The following DLG2 variants were observed in gnomAD, a reference collection of about 807,000 sequenced individuals.
DLG2 encodes the protein disks large homolog 2.
Under a neutral mutation model 132.5 loss-of-function variants are expected in DLG2, and 45 were observed. The observed-to-expected ratio is 0.34, with a 90% CI of 0.27 to 0.44. The LOEUF (loss-of-function observed/expected upper bound fraction) is 0.44, where lower values mean the gene tolerates loss of function less well. Among genes scored for constraint, DLG2 ranks in the 20% least tolerant of loss-of-function variants. DLG2 has a pLI of 1.00. For missense variants in DLG2, 1,045 were observed against 1,196.9 expected, an observed-to-expected ratio of 0.87 and a Z score of 1.87; for synonymous variants, 424 against 419.6, an observed-to-expected ratio of 1.01 and a Z score of -0.13.
At chr11:85,528,738 C>G (rs1264171022) in intron 3 of DLG2, among the ~76,000 whole-genome samples, 1 of 152,166 alleles carries the variant, frequency 6.6e-6, no homozygotes, top group Non-Finnish European at 1.5e-5. Flanking sequence ...TAGAAGGACC[C>G]TGTGCTTAGT....
chr11:84,423,249 C>G (rs547232845), intron 7 of DLG2, among the ~76,000 whole-genome samples: 65 of 152,024 alleles, frequency 4.3e-4, no homozygotes, highest in Admixed American at 1.0e-3. Context: ...ATTAAAATGG[C>G]AAATTTTATA....
intron 6 of DLG2, among the ~76,000 whole-genome samples, chr11:85,028,690 G>A (rs1566684503): frequency 6.6e-6 from 1 of 152,210 alleles, no homozygotes; most frequent in Non-Finnish European, 1.5e-5. Context: ...CCGGGAACAG[G>A]GAGAGGCCAG....
In DLG2 at chr11:84,870,620, CAGAT is replaced by C. The variant is rs752214644; in HGVS notation, c.357+241037_357+241040del. On this transcript the variant is annotated intron_variant, in intron 6 of 27. Coordinates refer to ENST00000376104, the MANE Select transcript of DLG2 (RefSeq NM_001142699.3). ...GACAATGAAGAAGTGAAATGCCATA[CAGAT>C]AGATGGGCATATGTGTGTCTTCCTG... Among the ~76,000 whole-genome samples the C allele has an allele frequency of 3.9e-5, 6 of 152,302 alleles. No homozygotes were observed. The South Asian group carries it at 8.3e-4, about 21-fold the overall frequency.
chr11:84,454,141 T>C (rs1461957196), intron 7 of DLG2, among the ~76,000 whole-genome samples: 2 of 151,454 alleles, frequency 1.3e-5, no homozygotes, highest in South Asian at 2.1e-4. Context: ...ATCTGCACAG[T>C]CTCATAAAAA....
At chr11:84,457,901 T>C (rs1028775793) in intron 7 of DLG2, among the ~76,000 whole-genome samples, 24 of 150,960 alleles carry the variant, frequency 1.6e-4, no homozygotes, top group African/African-American at 5.6e-4. Context: ...ATCTATATTT[T>C]AATATTTGTC....
At chr11:83,890,158 A>G (rs1281697167) in intron 15 of DLG2, among the ~76,000 whole-genome samples, 1 of 152,116 alleles carries the variant, frequency 6.6e-6, no homozygotes, top group Non-Finnish European at 1.5e-5. Context: ...GAGGTACTAC[A>G]AAAAGCACCA....
chr11:85,099,828 G>A (rs1420238060), intron 6 of DLG2, among the ~76,000 whole-genome samples: 2 of 152,138 alleles, frequency 1.3e-5, no homozygotes, highest in Admixed American at 6.5e-5. Context: ...AGATGCCCAG[G>A]AGAGTTCACA....
intron 6 of DLG2, chr11:84,923,270 C>T (rs576549954): frequency 9.4e-6 from 14 of 1,491,232 alleles, no homozygotes; most frequent in East Asian, 2.5e-5. Flanking sequence ...GACTACAAAA[C>T]GACATGTCTT....
intron 8 of DLG2, among the ~76,000 whole-genome samples, chr11:84,191,569 C>A (rs1315295727): frequency 6.6e-6 from 1 of 152,160 alleles, no homozygotes; most frequent in Admixed American, 6.5e-5. Context: ...ACTAGAAAAG[C>A]CTGGTTTGCA....
intron 9 of DLG2, among the ~76,000 whole-genome samples, chr11:84,125,988 A>G (rs1485336511): frequency 2.0e-5 from 3 of 152,134 alleles, no homozygotes; most frequent in Non-Finnish European, 2.9e-5. Flanking sequence ...TCTTTTTTTA[A>G]TAAAGAGGAT....
chr11:84,966,777 A>G (rs2053412203), intron 6 of DLG2, among the ~76,000 whole-genome samples: 1 of 152,140 alleles, frequency 6.6e-6, no homozygotes, highest in African/African-American at 2.4e-5. Flanking sequence ...AGAACATCAC[A>G]TTTCTGGCAT....
At chr11:84,397,313 G>A (rs2098814093) in intron 7 of DLG2, among the ~76,000 whole-genome samples, 1 of 152,160 alleles carries the variant, frequency 6.6e-6, no homozygotes, top group Non-Finnish European at 1.5e-5. Context: ...GAATTATACT[G>A]ACTAATACAA....
chr11:84,937,876 G>C (rs1427682185), intron 6 of DLG2, among the ~76,000 whole-genome samples: 1 of 152,146 alleles, frequency 6.6e-6, no homozygotes, highest in African/African-American at 2.4e-5. Context: ...ATGGCACATT[G>C]CACTGTCTGT....
intron 6 of DLG2, among the ~76,000 whole-genome samples, chr11:84,552,082 C>T (rs2099402864): frequency 6.6e-6 from 1 of 152,148 alleles, no homozygotes; most frequent in African/African-American, 2.4e-5. Context: ...CTGTAGCTAT[C>T]TCAGTAACCC....
intron 8 of DLG2, among the ~76,000 whole-genome samples, chr11:84,245,020 G>C (rs1463927476): frequency 1.3e-5 from 2 of 152,142 alleles, no homozygotes; most frequent in Non-Finnish European, 2.9e-5. Context: ...CTGTAATATG[G>C]CAACTTCCTT....
intron 6 of DLG2, among the ~76,000 whole-genome samples, chr11:84,582,343 T>C (rs1365981890): frequency 6.7e-6 from 1 of 150,250 alleles, no homozygotes; most frequent in Non-Finnish European, 1.5e-5. Flanking sequence ...TGTATTTTAC[T>C]ACTAAAAAGT....
intron 6 of DLG2, among the ~76,000 whole-genome samples, chr11:84,548,851 G>A (rs890026410): frequency 6.6e-6 from 1 of 152,142 alleles, no homozygotes; most frequent in Non-Finnish European, 1.5e-5. Flanking sequence ...ATAGATTAAA[G>A]TGTATGCAAG....
At chr11:84,264,303 T>C (rs1019833386) in intron 7 of DLG2, among the ~76,000 whole-genome samples, 4 of 152,310 alleles carry the variant, frequency 2.6e-5, no homozygotes, top group African/African-American at 7.2e-5. Context: ...CCCACAGCTG[T>C]TCTAGCTTCC....
chr11:83,669,008 CTTCT>C (rs1393821061), intron 18 of DLG2, among the ~76,000 whole-genome samples: 2 of 151,826 alleles, frequency 1.3e-5, no homozygotes, highest in African/African-American at 2.4e-5. Flanking sequence ...GCAAAAATTT[CTTCT>C]TTATTTTATG....
Sources: allele counts gnomAD v4.1 joint callset (sites outside exome capture counted in the v4.1 genomes callset), GRCh38; gene constraint gnomAD v4.1.1; transcripts MANE v1.5; gene names NCBI Gene and HGNC (gene_info 2026-07-23, HGNC 2026-07-21).